Variants in FBN2 observed in about 807,000 individuals in gnomAD.
The protein encoded by FBN2 is fibrillin-2.
FBN2 carries 105 observed loss-of-function variants against 355.6 expected under a neutral mutation model. The ratio of observed to expected loss-of-function variants is 0.30; its 90% CI spans 0.25 to 0.35. The LOEUF (loss-of-function observed/expected upper bound fraction) is 0.35, where lower values mean the gene tolerates loss of function less well. Among genes scored for constraint, FBN2 ranks in the 10% least tolerant of loss-of-function variants. FBN2 has a pLI of 1.00. For missense variants in FBN2, 3,280 were observed against 3,758.7 expected (o/e 0.87, Z 3.33); for synonymous variants, 1,350 against 1,301.2 (o/e 1.04, Z -0.81).
chr5:128,286,955 G>A (rs1263581560), intron 54 of FBN2, 106 bp from the exon 55 acceptor site: 2 of 1,155,802 alleles, frequency 1.7e-6, no homozygotes, highest in Non-Finnish European at 2.5e-6. Flanking sequence ...TTTTATGGTG[G>A]GACAGAGAAA....
intron 7 of FBN2, among the ~76,000 whole-genome samples, chr5:128,410,126 C>A (rs965891152): frequency 1.3e-5 from 2 of 152,128 alleles, no homozygotes; most frequent in Non-Finnish European, 2.9e-5. Context: ...AGGTACAAAT[C>A]AAAAATCTAC....
intron 11 of FBN2, among the ~76,000 whole-genome samples, chr5:128,390,188 G>T (rs1752475358): frequency 6.6e-6 from 1 of 152,110 alleles, no homozygotes; most frequent in South Asian, 2.1e-4. Context: ...TTTAAGGAAT[G>T]AAAACTTTCA....
intron 20 of FBN2, among the ~76,000 whole-genome samples, chr5:128,352,350 G>A (rs1008374630): frequency 2.0e-5 from 3 of 152,146 alleles, no homozygotes; most frequent in African/African-American, 4.8e-5. Flanking sequence ...CATTCCTAAC[G>A]TTTTAGACTG....
Position 128,376,772 on chromosome 5 carries a change from T to C in FBN2, c.1931A>G (p.Lys644Arg). Residue 644 changes from lysine (K) to arginine (R), a missense_variant, in exon 14 of 65, where the codon AAA (lysine) becomes AGA (arginine). Physicochemically the swap from Lys to Arg is conservative, Grantham distance 26. This residue lies in a region of FBN2 where 2,284 missense variants were observed against 2,749.5 expected (regional missense o/e 0.83). Coordinates refer to ENST00000262464, the MANE Select transcript of FBN2 (RefSeq NM_001999.4). The stretch of plus-strand genomic sequence containing the variant: ...ATTTGGAGCCAAGACAAATCCTGGT[T>C]TGCAGATGCACTTGAAGCTGCCATC... ...NEDGSFKCICKPGFVLAPNGR... is the reference protein window; with the variant it reads ...NEDGSFKCICRPGFVLAPNGR... 6.2e-7 allele frequency: 1 copy of C among 1,613,766 alleles called. No individual in the cohort carries two copies. Among genetic ancestry groups the C allele is most frequent in the Non-Finnish European group, 8.5e-7 (1 of 1,179,758 alleles).
chr5:128,305,866 GCA>G lies in FBN2; in HGVS notation c.5503_5504del (p.Cys1835ProfsTer8). On this transcript the variant is annotated frameshift_variant, in exon 43 of 65. Transcript: ENST00000262464. LOFTEE classifies it high-confidence loss of function. ...INQIGSFRCE[C>X]PTGFSYNDLL... is the part of the protein sequence containing the mutation. Reference sequence around the variant, plus strand: ...GGTCATTGTAACTGAATCCTGTAGGGCATTCACAGCGGAAACTGCCAATCTGG... The same window carrying G: ...GGTCATTGTAACTGAATCCTGTAGGGTTCACAGCGGAAACTGCCAATCTGG... The G allele has an allele frequency of 6.2e-7, 1 of 1,613,770 alleles. No homozygotes were observed.
intron 7 of FBN2, among the ~76,000 whole-genome samples, chr5:128,440,383 G>A (rs1054429412): frequency 1.3e-5 from 2 of 152,154 alleles, no homozygotes; most frequent in Middle Eastern, 3.2e-3. Flanking sequence ...AGCATGGCTA[G>A]GGAAGCTTCA....
At chr5:128,301,662 T>C (rs1749723745) in intron 46 of FBN2, 152 bp from the exon 47 acceptor site, 1 of 735,320 alleles carries the variant, frequency 1.4e-6, no homozygotes, top group Admixed American at 2.0e-5. Flanking sequence ...GCACATATCA[T>C]AAGGATCATA....
intron 6 of FBN2, among the ~76,000 whole-genome samples, chr5:128,452,592 G>A (rs901941107): frequency 1.3e-5 from 2 of 152,036 alleles, no homozygotes; most frequent in African/African-American, 2.4e-5. Flanking sequence ...TATAAAAATG[G>A]TTCATTTAAT....
intron 11 of FBN2, among the ~76,000 whole-genome samples, chr5:128,384,482 TA>T (rs1403310403): frequency 6.6e-6 from 1 of 152,122 alleles, no homozygotes; most frequent in East Asian, 1.9e-4. Context: ...AAAGCTAGTT[TA>T]AAAATCTGCA....
intron 5 of FBN2, 130 bp from the exon 6 acceptor site, chr5:128,465,051 T>C (rs1271176229): frequency 2.2e-6 from 2 of 901,482 alleles, no homozygotes; most frequent in African/African-American, 3.3e-5. Flanking sequence ...GGCTAGAGAG[T>C]TTCATGTTAA....
chr5:128,322,921 T>C (rs1750424279), intron 34 of FBN2, among the ~76,000 whole-genome samples: 2 of 152,218 alleles, frequency 1.3e-5, no homozygotes, highest in South Asian at 4.1e-4. Context: ...TGTTTTTCCA[T>C]TTGTTTGCGT....
intron 48 of FBN2, among the ~76,000 whole-genome samples, chr5:128,297,285 G>T (rs897675908): frequency 6.6e-6 from 1 of 152,234 alleles, no homozygotes; most frequent in Admixed American, 6.5e-5. Context: ...AATAGGTGTG[G>T]TGTGGTGCTG....
chr5:128,354,471 A>G (rs1470935142), intron 20 of FBN2, among the ~76,000 whole-genome samples: 1 of 152,196 alleles, frequency 6.6e-6, no homozygotes, highest in African/African-American at 2.4e-5. Flanking sequence ...ACAAAGAATG[A>G]TATGCTCTGA....
intron 14 of FBN2, 33 bp from the exon 15 acceptor site, chr5:128,374,783 C>T (rs1752039089): frequency 6.2e-7 from 1 of 1,613,208 alleles, no homozygotes; most frequent in Non-Finnish European, 8.5e-7. Flanking sequence ...CAAGCAGTTA[C>T]TGGGTAAATT....
chr5:128,308,514 C>T (rs13189118), intron 41 of FBN2, among the ~76,000 whole-genome samples: 8,958 of 152,170 alleles, frequency 0.059, 370 homozygotes, highest in South Asian at 0.087. Context: ...TGCATAATCA[C>T]TGTTTCTTAT....
chr5:128,373,312 T>C (rs1751995623), intron 15 of FBN2, among the ~76,000 whole-genome samples: 1 of 152,178 alleles, frequency 6.6e-6, no homozygotes, highest in Admixed American at 6.5e-5. Context: ...CTGAAAATAT[T>C]TTAGCTCTGT....
chr5:128,263,720 T>A (rs1027187312), intron 62 of FBN2, 64 bp from the exon 63 acceptor site: 3 of 1,146,722 alleles, frequency 2.6e-6, no homozygotes, highest in African/African-American at 3.1e-5. Flanking sequence ...CGTGAACAAG[T>A]CTGGAGTCTC....
At chr5:128,365,576 A>G (rs2126941977) in intron 17 of FBN2, among the ~76,000 whole-genome samples, 1 of 152,066 alleles carries the variant, frequency 6.6e-6, no homozygotes, top group East Asian at 1.9e-4. Context: ...TTTATTATAA[A>G]GATTCAACAT....
At position 128,361,883 on chromosome 5, in the gene FBN2, T is replaced by C. The variant is rs1254185259; in HGVS notation, c.2429-35A>G. On this transcript the variant is annotated intron_variant, in intron 18 of 64. Transcript: ENST00000262464. ...ACGATTGAAAGATAGGAGATACACA[T>C]ATTTAAGCATCTATTACAGTGGGCA... The C allele has an allele frequency of 2.5e-6, 4 of 1,606,628 alleles. No individual in the cohort carries two copies. In the South Asian group the frequency reaches 3.3e-5, roughly 13 times the overall value.
Sources: gnomAD v4.1 joint callset for allele counts (sites outside exome capture counted in the v4.1 genomes callset) on GRCh38, gnomAD v4.1.1 for gene constraint, gnomAD v4.1.1 regional missense constraint, MANE v1.5 for transcripts, NCBI Gene and HGNC (gene_info 2026-07-23, HGNC 2026-07-21) for gene names.